The following P4HA3 variants were observed in gnomAD, a reference collection of about 807,000 sequenced individuals.
P4HA3 encodes the protein prolyl 4-hydroxylase subunit alpha-3.
A neutral mutation model predicts 66.7 loss-of-function variants in P4HA3; 60 were observed. The ratio of observed to expected loss-of-function variants is 0.90; its 90% confidence interval spans 0.73 to 1.12. The LOEUF is 1.12. Ranked by LOEUF, P4HA3 falls within the 50% of genes most tolerant of loss-of-function variation. P4HA3 has a pLI of 0.00. For synonymous variants in P4HA3, 263 were observed against 274.6 expected (o/e 0.96, Z 0.42); for missense variants, 683 against 685.8 (o/e 1.00, Z 0.05).
chr11:74,269,687 A>G lies in P4HA3; in HGVS notation c.1432T>C (p.Phe478Leu). The G allele has an allele frequency of 1.9e-6, 3 of 1,613,974 alleles. No homozygotes were observed. Among genetic ancestry groups the G allele is most frequent in the Non-Finnish European group, 2.5e-6 (3 of 1,179,896 alleles). ...SSVEAGGATA[F>L]IYANLSVPVV... The stretch of plus-strand genomic sequence containing the variant: ...GGCACGCTGAGGTTGGCATAGATGA[A>G]GGCTGTGGCTCCTCCAGCTTCCACC... Residue 478 changes from phenylalanine (F) to leucine (L), a missense_variant, in exon 11 of 13, where the codon TTC becomes CTC. Physicochemically the swap from Phe to Leu is conservative, Grantham distance 22. Transcript: ENST00000331597.
intron 7 of P4HA3, among the ~76,000 whole-genome samples, chr11:74,284,784 G>A (rs1026105412): frequency 6.6e-6 from 1 of 152,048 alleles, no homozygotes; most frequent in Non-Finnish European, 1.5e-5. Flanking sequence ...GGGCTCACAT[G>A]GTAGTGGCTC....
At chr11:74,292,547 A>G (rs192726498) in intron 4 of P4HA3, among the ~76,000 whole-genome samples, 2 of 151,914 alleles carry the variant, frequency 1.3e-5, no homozygotes, top group Admixed American at 6.6e-5. Flanking sequence ...TAGGGTGTCA[A>G]TTTTAGATCT....
intron 6 of P4HA3, 60 bp from the exon 7 acceptor site, chr11:74,286,045 T>C: frequency 6.5e-7 from 1 of 1,534,952 alleles, no homozygotes; most frequent in Non-Finnish European, 9.0e-7. Context: ...AAACTCAACT[T>C]AGGGGAACTA....
At chr11:74,298,399 C>T (rs1347196892) in intron 3 of P4HA3, 38 bp from the exon 4 acceptor site, 4 of 1,580,832 alleles carry the variant, frequency 2.5e-6, no homozygotes, top group African/African-American at 1.4e-5. Context: ...AAGCCTTATT[C>T]CACAGGTAGA....
At chr11:74,266,014 C>T (rs750644256), downstream of P4HA3, among the ~76,000 whole-genome samples, 2 of 152,142 alleles carry the variant, frequency 1.3e-5, no homozygotes, top group Middle Eastern at 3.4e-3. Context: ...CACGGAAGCT[C>T]TGTGAGGTAA....
At chr11:74,252,412 T>C in intron 15 of P4HA3, 1 of 454,596 alleles carries the variant, frequency 2.2e-6, no homozygotes. Context: ...CAGGGTTTTC[T>C]ACAGTGTTGC....
intron 15 of P4HA3, chr11:74,253,915 G>T: frequency 3.5e-6 from 1 of 282,684 alleles, no homozygotes. Flanking sequence ...GCATGGCCCA[G>T]CCCTGCCTCA....
chr11:74,292,231 G>A (rs577808641), intron 4 of P4HA3, among the ~76,000 whole-genome samples: 78 of 152,232 alleles, frequency 5.1e-4, no homozygotes, highest in Admixed American at 1.6e-3. Context: ...GTTTATTTGC[G>A]TAGAGGTGTT....
chr11:74,304,406 G>T lies in P4HA3; in HGVS notation c.207C>A (p.Tyr69Ter). The T allele has an allele frequency of 6.2e-7, 1 of 1,613,972 alleles. No individual in the cohort carries two copies. Among genetic ancestry groups the T allele is most frequent in the Non-Finnish European group, 8.5e-7 (1 of 1,179,928 alleles). Residue 69 changes from tyrosine (Y) to a stop codon, truncating the protein, a stop_gained, in exon 2 of 13, where the codon TAC becomes TAA. Coordinates refer to ENST00000331597, the MANE Select transcript of P4HA3 (RefSeq NM_182904.5). LOFTEE classifies it high-confidence loss of function. ...CCTCATGCAAAGAAAGTACCTTGTC[G>T]TAGAATCTGAAAGAAAGGAGTAGAA... ...EARLRDLTRF[Y>*]DKVLSLHEDS...
intron 10 of P4HA3, among the ~76,000 whole-genome samples, chr11:74,271,732 T>C (rs1860206844): frequency 6.6e-6 from 1 of 152,136 alleles, no homozygotes; most frequent in South Asian, 2.1e-4. Flanking sequence ...TCTGTACTTC[T>C]TAAAGATTAT....
intron 4 of P4HA3, among the ~76,000 whole-genome samples, chr11:74,294,173 T>A (rs1861133185): frequency 6.6e-6 from 1 of 152,136 alleles, no homozygotes; most frequent in African/African-American, 2.4e-5. Context: ...TCTAAACTTC[T>A]CTCCTCGCTT....
chr11:74,268,022 T>C, intron 12 of P4HA3, 123 bp downstream of exon 12: 6 of 822,320 alleles, frequency 7.3e-6, no homozygotes, highest in Non-Finnish European at 1.2e-5. Flanking sequence ...ATCTTCTCAA[T>C]ATAATGTGGC....
intron 10 of P4HA3, among the ~76,000 whole-genome samples, chr11:74,272,421 C>G (rs1030388815): frequency 2.6e-5 from 4 of 152,176 alleles, no homozygotes; most frequent in African/African-American, 9.7e-5. Flanking sequence ...CGTTTGTGAC[C>G]TCCCATAACA....
At position 74,287,291 on chromosome 11, in the gene P4HA3, C is replaced by T. The variant is rs746847109; in HGVS notation, c.770-900G>A. On this transcript the variant is annotated intron_variant, in intron 5 of 12. Transcript: ENST00000331597. ...GTGTGCTTCTAACCACAACCATCAC[C>T]CTGGCAAAGGAGGAAAGGAAGGGGC... 44 of 1,289,252 alleles carry T rather than the reference C, an allele frequency of 3.4e-5. No individual in the cohort carries two copies. The South Asian group carries it at 5.4e-4, about 16-fold the overall frequency. The allele number at this position is 1,289,252 out of a possible 1,614,324, so 79.9% of individuals were successfully genotyped here.
chr11:74,293,467 G>A (rs920524570), intron 4 of P4HA3, among the ~76,000 whole-genome samples: 2 of 152,202 alleles, frequency 1.3e-5, no homozygotes, highest in Admixed American at 6.5e-5. Context: ...ATATTGTTAT[G>A]TGTGAATGTG....
chr11:74,260,314 C>T (rs546170982), intron 14 of P4HA3, among the ~76,000 whole-genome samples: 10 of 152,230 alleles, frequency 6.6e-5, no homozygotes, highest in African/African-American at 2.4e-4. Context: ...GGAGGGTTCA[C>T]AAGGCTTAGC....
chr11:74,284,832 T>C (rs1860732187), intron 7 of P4HA3, among the ~76,000 whole-genome samples: 1 of 152,104 alleles, frequency 6.6e-6, no homozygotes, highest in African/African-American at 2.4e-5. Context: ...CAGTGGCTTG[T>C]GTTGAATATC....
rs114782150 is a variant in P4HA3 at position 74,300,201 on chromosome 11, C to A, written c.568-1840G>T. ...GGAGGGATATTCCCACAACTCTGGG[C>A]ACATGGATTCTCTTAGGGGGAAAAT... On this transcript the variant is annotated intron_variant, in intron 3 of 12. Transcript: ENST00000331597. Among the ~76,000 whole-genome samples, 829 of 152,260 alleles carry A rather than the reference C, an allele frequency of 5.4e-3. 8 individuals are homozygous for A. Among genetic ancestry groups the A allele is most frequent in the African/African-American group, 0.017 (694 of 41,542 alleles).
intron 3 of P4HA3, among the ~76,000 whole-genome samples, chr11:74,299,508 G>A (rs1233354956): frequency 6.6e-6 from 1 of 152,082 alleles, no homozygotes; most frequent in Non-Finnish European, 1.5e-5. Flanking sequence ...TGCTAAAAAT[G>A]ACTGAACTTT....
Sources: gnomAD v4.1 joint callset for allele counts (sites outside exome capture counted in the v4.1 genomes callset) on GRCh38, gnomAD v4.1.1 for gene constraint, MANE v1.5 for transcripts, NCBI Gene and HGNC (gene_info 2026-07-23, HGNC 2026-07-21) for gene names.